MACROD2: variants seen among roughly 807,000 people sequenced by gnomAD.
The protein encoded by MACROD2 is ADP-ribose glycohydrolase MACROD2.
In MACROD2, 36 loss-of-function variants were observed where a neutral mutation model predicts 70.4. That is an observed-to-expected ratio of 0.51 (90% CI 0.39 to 0.68). MACROD2 has a LOEUF of 0.68. MACROD2 is among the 30% of genes least tolerant of loss of function. The probability of loss-of-function intolerance (pLI) is 0.00; values close to 1 mark genes in which losing one functional copy is unlikely to be tolerated. For missense variants in MACROD2, 496 were observed against 538.4 expected, an observed-to-expected ratio of 0.92 and a Z score of 0.78; for synonymous variants, 172 against 178.8, an observed-to-expected ratio of 0.96 and a Z score of 0.30.
intron 15 of MACROD2, among the ~76,000 whole-genome samples, chr20:15,988,350 T>C (rs181258775): frequency 2.2e-3 from 328 of 152,270 alleles, no homozygotes; most frequent in African/African-American, 7.5e-3. Flanking sequence ...CTCTCCTCAA[T>C]TGTAGTTTAA....
At chr20:14,252,589 T>C (rs765347023) in intron 3 of MACROD2, among the ~76,000 whole-genome samples, 3 of 152,048 alleles carry the variant, frequency 2.0e-5, no homozygotes, top group Admixed American at 6.6e-5. Flanking sequence ...GTGTGTTTTG[T>C]TTACTGCCAT....
Position 15,854,021 on chromosome 20 carries a change from AC to A in MACROD2, c.646-8723del, listed in dbSNP as rs541293914. On this transcript the variant is annotated intron_variant, in intron 8 of 17. Coordinates refer to ENST00000684519, the MANE Select transcript of MACROD2 (RefSeq NM_001351661.2). ...ACTGCGTGGGAGGCTGAAGTTCAAA[AC>A]AGCCTCCAAGATGCCAATATGATCG... Among the ~76,000 whole-genome samples, 165 of 152,254 alleles carry A rather than the reference AC, an allele frequency of 1.1e-3. 2 individuals carry two copies. Among genetic ancestry groups the A allele is most frequent in the Non-Finnish European group, 1.9e-4 (13 of 68,020 alleles).
At chr20:15,075,349 G>C (rs1382120795) in intron 5 of MACROD2, among the ~76,000 whole-genome samples, 1 of 152,118 alleles carries the variant, frequency 6.6e-6, no homozygotes, top group Admixed American at 6.6e-5. Context: ...GCTTCATTTG[G>C]TCAGAAAACT....
intron 8 of MACROD2, among the ~76,000 whole-genome samples, chr20:15,822,405 A>G (rs2063948404): frequency 6.6e-6 from 1 of 152,128 alleles, no homozygotes. Flanking sequence ...TATTGTTTTC[A>G]TGGATAGTTA....
chr20:14,826,278 C>T (rs115474996), intron 5 of MACROD2, among the ~76,000 whole-genome samples: 336 of 151,794 alleles, frequency 2.2e-3, no homozygotes, highest in African/African-American at 7.5e-3. Flanking sequence ...CATTGACTCC[C>T]AAGAAAACAG....
intron 3 of MACROD2, among the ~76,000 whole-genome samples, chr20:14,276,973 C>T (rs2082264131): frequency 6.6e-6 from 1 of 152,146 alleles, no homozygotes; most frequent in Admixed American, 6.6e-5. Context: ...TTAATTGAGT[C>T]TCCAAGACAC....
At position 14,134,704 on chromosome 20, in the gene MACROD2, C is replaced by T. The variant is rs141254271; in HGVS notation, c.271+48976C>T. Reference sequence around the variant, plus strand: ...CGTGTAGTCCCAGTTACTCAGGAGGCGGAGGCAGGAGAATCGCTTGAACCA... The same window carrying T: ...CGTGTAGTCCCAGTTACTCAGGAGGTGGAGGCAGGAGAATCGCTTGAACCA... On this transcript the variant is annotated intron_variant, in intron 3 of 17. Coordinates refer to ENST00000684519, the MANE Select transcript of MACROD2 (RefSeq NM_001351661.2). Among the ~76,000 whole-genome samples the T allele has an allele frequency of 3.0e-3, 436 of 144,182 alleles. 4 individuals carry two copies. Among genetic ancestry groups the T allele is most frequent in the African/African-American group, 0.01 (410 of 39,136 alleles). The allele number at this position is 144,182 out of a possible 152,430, so 94.6% of individuals were successfully genotyped here.
chr20:15,784,632 CAAAAT>C (rs2051889232), intron 8 of MACROD2, among the ~76,000 whole-genome samples: 1 of 151,648 alleles, frequency 6.6e-6, no homozygotes, highest in Non-Finnish European at 1.5e-5. Context: ...GTTTTTTTGG[CAAAAT>C]AAAATAACAA....
At chr20:14,812,057 C>T (rs1461620053) in intron 5 of MACROD2, among the ~76,000 whole-genome samples, 2 of 152,024 alleles carry the variant, frequency 1.3e-5, no homozygotes, top group African/African-American at 2.4e-5. Flanking sequence ...TACCATTTGA[C>T]CCAGCCATCC....
intron 4 of MACROD2, among the ~76,000 whole-genome samples, chr20:14,677,238 C>A (rs2070872929): frequency 6.6e-6 from 1 of 152,182 alleles, no homozygotes; most frequent in Non-Finnish European, 1.5e-5. Context: ...ATTTCTTTTG[C>A]CTTTATTTAA....
intron 3 of MACROD2, among the ~76,000 whole-genome samples, chr20:14,209,012 A>C (rs2122126625): frequency 6.6e-6 from 1 of 152,342 alleles, no homozygotes; most frequent in African/African-American, 2.4e-5. Context: ...GATGTTAGCT[A>C]GTGTGCTCCT....
intron 7 of MACROD2, among the ~76,000 whole-genome samples, chr20:15,435,404 A>G (rs188977933): frequency 6.6e-6 from 1 of 152,234 alleles, no homozygotes; most frequent in African/African-American, 2.4e-5. Context: ...CACACACACA[A>G]AAGAATTGTT....
intron 3 of MACROD2, among the ~76,000 whole-genome samples, chr20:14,153,185 G>T (rs567314577): frequency 1.1e-4 from 17 of 152,248 alleles, no homozygotes; most frequent in Admixed American, 1.1e-3. Flanking sequence ...AATAGCAAGA[G>T]GAGGAGTGAT....
intron 8 of MACROD2, among the ~76,000 whole-genome samples, chr20:15,686,872 CAAAAAAA>C (rs142175244): frequency 1.4e-3 from 100 of 69,310 alleles, no homozygotes; most frequent in Non-Finnish European, 2.8e-3. Flanking sequence ...GACTCCATCT[CAAAAAAA>C]AAAAAAAAAA....
chr20:14,698,531 T>A (rs950502444), intron 5 of MACROD2, among the ~76,000 whole-genome samples: 1 of 152,026 alleles, frequency 6.6e-6, no homozygotes. Context: ...TCACTCTCTA[T>A]CTTCTTGCCC....
At chr20:14,167,529 G>A (rs1169361719) in intron 3 of MACROD2, among the ~76,000 whole-genome samples, 12 of 151,480 alleles carry the variant, frequency 7.9e-5, no homozygotes, top group East Asian at 1.9e-4. Context: ...AATTACAGGC[G>A]CCCACCACCA....
At chr20:14,176,733 T>G (rs2081266163) in intron 3 of MACROD2, among the ~76,000 whole-genome samples, 1 of 152,222 alleles carries the variant, frequency 6.6e-6, no homozygotes, top group Non-Finnish European at 1.5e-5. Context: ...ATGCTCTTCA[T>G]TTTTATCTTG....
intron 2 of MACROD2, among the ~76,000 whole-genome samples, chr20:14,002,665 T>C (rs1333984180): frequency 3.3e-5 from 5 of 152,184 alleles, no homozygotes; most frequent in Non-Finnish European, 5.9e-5. Context: ...TTTTCTATTC[T>C]GTAACAGTTC....
At chr20:15,025,486 G>T (rs1247438890) in intron 5 of MACROD2, among the ~76,000 whole-genome samples, 1 of 151,466 alleles carries the variant, frequency 6.6e-6, no homozygotes, top group African/African-American at 2.4e-5. Flanking sequence ...AACAAAGGGG[G>T]TGGGGGAGGG....
Sources: gnomAD v4.1 joint callset for allele counts (sites outside exome capture counted in the v4.1 genomes callset) on GRCh38, gnomAD v4.1.1 for gene constraint, MANE v1.5 for transcripts, NCBI Gene and HGNC (gene_info 2026-07-23, HGNC 2026-07-21) for gene names.